The following RBFOX1 variants were observed in gnomAD, a reference collection of about 807,000 sequenced individuals.
RBFOX1 encodes RNA binding protein fox-1 homolog 1.
RBFOX1 carries 8 observed loss-of-function variants against 57.7 expected under a neutral mutation model. The ratio of observed to expected loss-of-function variants is 0.14; its 90% CI spans 0.08 to 0.25. RBFOX1 has a LOEUF of 0.25. RBFOX1 is among the 10% of genes least tolerant of loss of function. The probability of loss-of-function intolerance (pLI) is 1.00; values close to 1 mark genes in which losing one functional copy is unlikely to be tolerated. For missense variants in RBFOX1, 611 were observed against 548.5 expected (o/e 1.11, Z -1.14); for synonymous variants, 326 against 222.4 (o/e 1.47, Z -4.15).
intron 3 of RBFOX1, among the ~76,000 whole-genome samples, chr16:7,036,340 G>T (rs577028408): frequency 1.3e-5 from 2 of 151,940 alleles, no homozygotes; most frequent in South Asian, 4.2e-4. Flanking sequence ...TCACAATCTT[G>T]GTTTTCTACC....
intron 3 of RBFOX1, among the ~76,000 whole-genome samples, chr16:6,921,673 A>G (rs1012391570): frequency 1.3e-5 from 2 of 150,732 alleles, no homozygotes; most frequent in South Asian, 4.2e-4. Flanking sequence ...GTTGCTTTCA[A>G]TCAATAGACA....
rs559570409 is a variant in RBFOX1 at position 7,540,781 on chromosome 16, C to G, written c.270+22392C>G. On this transcript the variant is annotated intron_variant, in intron 5 of 15. Transcript: ENST00000550418. ...GGGAGTTCATGTTGTCATCCCAGCACTCATGCTAGGCTTGTAGGAATGTTT... is the reference window on the plus strand; with the variant it reads ...GGGAGTTCATGTTGTCATCCCAGCAGTCATGCTAGGCTTGTAGGAATGTTT... Among the ~76,000 whole-genome samples, 5 of 152,312 alleles carry G rather than the reference C, an allele frequency of 3.3e-5. No homozygotes were observed. The South Asian group carries it at 8.3e-4, about 25-fold the overall frequency.
chr16:6,185,106 C>G (rs920813751), intron 1 of RBFOX1, among the ~76,000 whole-genome samples: 28 of 152,132 alleles, frequency 1.8e-4, no homozygotes, highest in Non-Finnish European at 3.5e-4. Context: ...AGATTTAGGA[C>G]TTTCCTTCTT....
intron 2 of RBFOX1, among the ~76,000 whole-genome samples, chr16:6,580,098 ACAGGTGC>A (rs1219783259): frequency 6.6e-6 from 1 of 151,892 alleles, no homozygotes; most frequent in East Asian, 1.9e-4. Context: ...AGCTGGGATT[ACAGGTGC>A]CCACCACCGC....
At chr16:6,120,557 AGGTACACT>A (rs1353603999) in intron 1 of RBFOX1, among the ~76,000 whole-genome samples, 6 of 152,284 alleles carry the variant, frequency 3.9e-5, no homozygotes, top group African/African-American at 1.4e-4. Flanking sequence ...TGGGTTTTAT[AGGTACACT>A]GGTAATACCT....
At chr16:6,213,180 A>G (rs1226619825) in intron 1 of RBFOX1, among the ~76,000 whole-genome samples, 3 of 152,140 alleles carry the variant, frequency 2.0e-5, no homozygotes, top group African/African-American at 4.8e-5. Flanking sequence ...TACAGAAACT[A>G]TATATTTTTT....
At chr16:7,420,344 A>G (rs1057266433) in intron 4 of RBFOX1, among the ~76,000 whole-genome samples, 1 of 152,214 alleles carries the variant, frequency 6.6e-6, no homozygotes, top group Non-Finnish European at 1.5e-5. Flanking sequence ...TAGGCTTAAG[A>G]TTTAAGCTGT....
chr16:6,010,228 C>T (rs2094953457), intron 4 of RBFOX1, among the ~76,000 whole-genome samples: 1 of 152,134 alleles, frequency 6.6e-6, no homozygotes, highest in Non-Finnish European at 1.5e-5. Flanking sequence ...TTCTGCTCAA[C>T]CCATGTCCAA....
At chr16:5,715,195 G>T (rs999410633) in intron 3 of RBFOX1, among the ~76,000 whole-genome samples, 4 of 152,222 alleles carry the variant, frequency 2.6e-5, no homozygotes, top group African/African-American at 7.2e-5. Context: ...AATATACCCT[G>T]TTGTGTGTGT....
At position 7,591,325 on chromosome 16, in the gene RBFOX1, C is replaced by G. The variant is rs529573523; in HGVS notation, c.468+4025C>G. Among the ~76,000 whole-genome samples, 9 of 152,194 alleles carry G rather than the reference C, an allele frequency of 5.9e-5. No individual in the cohort carries two copies. In the East Asian group the frequency reaches 1.6e-3, roughly 26 times the overall value. On this transcript the variant is annotated intron_variant, in intron 7 of 15. Transcript: ENST00000550418. ...AAATATGAATTCTCTGCACCAGAAA[C>G]TAGAGGACTGGATTTTTCATCTAGG...
At chr16:7,351,485 A>G (rs1216491635) in intron 4 of RBFOX1, among the ~76,000 whole-genome samples, 1 of 152,236 alleles carries the variant, frequency 6.6e-6, no homozygotes, top group Non-Finnish European at 1.5e-5. Context: ...ACAAAGAATA[A>G]CTACCATAAT....
At chr16:6,993,406 G>A (rs1855039625) in intron 3 of RBFOX1, among the ~76,000 whole-genome samples, 1 of 152,134 alleles carries the variant, frequency 6.6e-6, no homozygotes, top group South Asian at 2.1e-4. Context: ...CTTGGGTTCA[G>A]GATTTGTAGA....
chr16:6,715,747 G>C (rs1253658327), intron 3 of RBFOX1, among the ~76,000 whole-genome samples: 2 of 152,150 alleles, frequency 1.3e-5, no homozygotes, highest in African/African-American at 2.4e-5. Flanking sequence ...CAGTGAATTG[G>C]CAAGAAGTGA....
intron 11 of RBFOX1, among the ~76,000 whole-genome samples, chr16:7,648,229 A>T (rs548672869): frequency 7.7e-4 from 117 of 151,612 alleles, no homozygotes; most frequent in African/African-American, 2.7e-3. Flanking sequence ...TTATTTATTT[A>T]TTTTTTTTGA....
chr16:5,868,128 C>T (rs1462717762), intron 4 of RBFOX1, among the ~76,000 whole-genome samples: 1 of 152,156 alleles, frequency 6.6e-6, no homozygotes, highest in Non-Finnish European at 1.5e-5. Context: ...GGTGACCACC[C>T]ATTGGAAATT....
chr16:5,305,411 A>C (rs2063908647), intron 1 of RBFOX1, among the ~76,000 whole-genome samples: 1 of 152,034 alleles, frequency 6.6e-6, no homozygotes, highest in African/African-American at 2.4e-5. Context: ...AGGATGACTG[A>C]GGAGGAGGTC....
At chr16:5,388,235 G>C (rs560385071) in intron 1 of RBFOX1, among the ~76,000 whole-genome samples, 1 of 152,284 alleles carries the variant, frequency 6.6e-6, no homozygotes, top group African/African-American at 2.4e-5. Flanking sequence ...AGGGGTCTCT[G>C]CCTCACCGTG....
intron 2 of RBFOX1, among the ~76,000 whole-genome samples, chr16:6,639,886 A>G (rs966251872): frequency 1.3e-5 from 2 of 151,992 alleles, no homozygotes; most frequent in Admixed American, 6.6e-5. Flanking sequence ...CTCAAAAACA[A>G]AAAACAAAAA....
intron 3 of RBFOX1, among the ~76,000 whole-genome samples, chr16:6,859,942 A>G (rs2142488852): frequency 6.6e-6 from 1 of 152,274 alleles, no homozygotes; most frequent in East Asian, 1.9e-4. Context: ...ATGAATTGAG[A>G]CAGCTGAATA....
Sources: allele counts gnomAD v4.1 joint callset (sites outside exome capture counted in the v4.1 genomes callset), GRCh38; gene constraint gnomAD v4.1.1; transcripts MANE v1.5; gene names NCBI Gene and HGNC (gene_info 2026-07-23, HGNC 2026-07-21).